The following DNAJA3 variants were observed in gnomAD, a reference collection of about 807,000 sequenced individuals.
DNAJA3 encodes the protein dnaJ homolog subfamily A member 3, mitochondrial.
Under a neutral mutation model 54.9 loss-of-function variants are expected in DNAJA3, and 29 were observed. The ratio of observed to expected loss-of-function variants is 0.53; its 90% CI spans 0.39 to 0.72. DNAJA3 has a LOEUF of 0.72. Among genes scored for constraint, DNAJA3 ranks in the 30% least tolerant of loss-of-function variants. DNAJA3 has a pLI of 0.00. For missense variants in DNAJA3, 708 were observed against 639.4 expected, an observed-to-expected ratio of 1.11 and a Z score of -1.16; for synonymous variants, 302 against 251.4, an observed-to-expected ratio of 1.20 and a Z score of -1.90.
Position 4,436,979 on chromosome 16 carries a change from T to C in DNAJA3, c.346-423T>C, listed in dbSNP as rs1596362911. ...TTAAAACAGATCATTATTATTATTA[T>C]TTTGTGGGGCGGACAGAATCTCACT... On this transcript the variant is annotated intron_variant, in intron 2 of 11. Coordinates refer to ENST00000262375, the MANE Select transcript of DNAJA3 (RefSeq NM_005147.6). Among the ~76,000 whole-genome samples, 3 of 152,242 alleles carry C rather than the reference T, an allele frequency of 2.0e-5. No homozygotes were observed. The South Asian group carries it at 6.2e-4, about 32-fold the overall frequency.
chr16:4,434,845 C>T (rs1339342294), intron 2 of DNAJA3, among the ~76,000 whole-genome samples: 1 of 149,116 alleles, frequency 6.7e-6, no homozygotes, highest in Non-Finnish European at 1.5e-5. Flanking sequence ...TTTTTGCATC[C>T]AGATAAAAGT....
chr16:4,442,232 A>G (rs1175434270), intron 4 of DNAJA3, 36 bp from the exon 5 acceptor site: 2 of 1,534,706 alleles, frequency 1.3e-6, no homozygotes, highest in Non-Finnish European at 1.8e-6. Context: ...GGTCGTTGCA[A>G]ACAAAAGTTG....
At chr16:4,453,152 T>A (rs1316251108) in intron 10 of DNAJA3, among the ~76,000 whole-genome samples, 3 of 152,126 alleles carry the variant, frequency 2.0e-5, no homozygotes, top group Non-Finnish European at 2.9e-5. Context: ...ACTCCTGGAC[T>A]CAAGTGATCC....
In DNAJA3 at chr16:4,425,979, G is replaced by T. The variant is rs751661626; in HGVS notation, c.98G>T (p.Gly33Val). 68 of 1,596,086 alleles carry T rather than the reference G, an allele frequency of 4.3e-5. No homozygotes were observed. The highest frequency in any genetic ancestry group is 5.7e-5 in the Non-Finnish European group (67 of 1,172,710). ...SGRGARPPRE[G>V]VVGAWLSRKL... ...AGAGGGGCCCGGCCGCCCAGGGAGG[G>T]CGTGGTGGGGGCATGGCTGAGCCGC... Residue 33 changes from glycine (G) to valine (V), a missense_variant, in exon 1 of 12, where the codon GGC becomes GTC. Physicochemically the swap from Gly to Val is moderately radical, Grantham distance 109 (BLOSUM62 -3). Coordinates refer to ENST00000262375, the MANE Select transcript of DNAJA3 (RefSeq NM_005147.6).
chr16:4,429,215 C>T (rs1428029065), intron 1 of DNAJA3, among the ~76,000 whole-genome samples: 1 of 148,486 alleles, frequency 6.7e-6, no homozygotes, highest in African/African-American at 2.5e-5. Flanking sequence ...TTGTTTGAGA[C>T]GGAGTCTTGC....
At chr16:4,443,404 G>A (rs1344054310) in intron 6 of DNAJA3, among the ~76,000 whole-genome samples, 2 of 152,090 alleles carry the variant, frequency 1.3e-5, no homozygotes, top group Non-Finnish European at 2.9e-5. Flanking sequence ...TCACAATGGG[G>A]AGAAGAGACC....
intron 8 of DNAJA3, 37 bp downstream of exon 8, chr16:4,447,051 C>G (rs745336716): frequency 1.3e-6 from 2 of 1,591,926 alleles, no homozygotes; most frequent in Non-Finnish European, 1.7e-6. Flanking sequence ...CACCCCTGTA[C>G]TTTATTGCTC....
chr16:4,443,189 C>T, intron 6 of DNAJA3, 25 bp downstream of exon 6: 1 of 1,612,942 alleles, frequency 6.2e-7, no homozygotes, highest in Non-Finnish European at 8.5e-7. Context: ...CCGCCATGTC[C>T]AGGAGCTTGG....
Position 4,441,395 on chromosome 16 carries a change from G to C in DNAJA3, c.450G>C (p.Lys150Asn). ...EAYEVLSDEVKRKQYDAYGSA... is the reference protein window; with the variant it reads ...EAYEVLSDEVNRKQYDAYGSA... ...TGTAGGTTTTGAGTGATGAGGTGAAGAGGAAGCAGTACGATGCCTACGGCT... is the reference window on the plus strand; with the variant it reads ...TGTAGGTTTTGAGTGATGAGGTGAACAGGAAGCAGTACGATGCCTACGGCT... Residue 150 changes from lysine to asparagine, a missense_variant, in exon 4 of 12, where the codon AAG becomes AAC. Coordinates refer to ENST00000262375, the MANE Select transcript of DNAJA3 (RefSeq NM_005147.6). 1 of 1,613,644 alleles carries C rather than the reference G, an allele frequency of 6.2e-7. No homozygotes were observed. The highest frequency in any genetic ancestry group is 8.5e-7 in the Non-Finnish European group (1 of 1,179,950).
chr16:4,454,228 G>C (rs771004971), intron 10 of DNAJA3, among the ~76,000 whole-genome samples: 1 of 152,212 alleles, frequency 6.6e-6, no homozygotes, highest in Non-Finnish European at 1.5e-5. Flanking sequence ...TGCGCACACA[G>C]CAGCATGGAA....
intron 11 of DNAJA3, 139 bp downstream of exon 11, chr16:4,455,066 T>A: frequency 1.5e-6 from 1 of 650,116 alleles, no homozygotes; most frequent in Non-Finnish European, 2.7e-6. Flanking sequence ...TAAACCTAGC[T>A]CCACTAGGAG....
chr16:4,429,516 C>T (rs1347924707), intron 1 of DNAJA3, among the ~76,000 whole-genome samples: 1 of 152,184 alleles, frequency 6.6e-6, no homozygotes, highest in Non-Finnish European at 1.5e-5. Flanking sequence ...TCACCGCGCC[C>T]GGCCTACAAA....
chr16:4,446,463 C>T (rs1056665698), intron 7 of DNAJA3, among the ~76,000 whole-genome samples: 4 of 151,776 alleles, frequency 2.6e-5, no homozygotes, highest in African/African-American at 9.7e-5. Flanking sequence ...AGTCTGGTCT[C>T]AAACTCCTGA....
intron 2 of DNAJA3, among the ~76,000 whole-genome samples, chr16:4,436,836 C>T (rs1017244737): frequency 1.3e-5 from 2 of 151,754 alleles, no homozygotes; most frequent in Middle Eastern, 6.9e-3. Context: ...GCGCCCGGCC[C>T]CCTTTTTAAA....
chr16:4,435,382 T>C (rs1277590514), intron 2 of DNAJA3, among the ~76,000 whole-genome samples: 6 of 152,154 alleles, frequency 3.9e-5, no homozygotes, highest in Admixed American at 3.9e-4. Flanking sequence ...CAGCTTTTTA[T>C]AAGTGCACAG....
intron 1 of DNAJA3, among the ~76,000 whole-genome samples, chr16:4,426,689 A>T (rs2056627695): frequency 1.3e-5 from 2 of 152,218 alleles, no homozygotes; most frequent in Non-Finnish European, 2.9e-5. Flanking sequence ...TTGTAATAAT[A>T]ACACAGTCAG....
chr16:4,455,492 G>T (rs1290215420), intron 11 of DNAJA3, 54 bp from the exon 12 acceptor site: 7 of 1,545,864 alleles, frequency 4.5e-6, no homozygotes, highest in Non-Finnish European at 6.1e-6. Context: ...CCCCACAGGG[G>T]TGTGTTCCCT....
intron 5 of DNAJA3, chr16:4,442,803 A>T: frequency 1.7e-6 from 1 of 598,332 alleles, no homozygotes; most frequent in Non-Finnish European, 2.9e-6. Context: ...CGTGTGGTCA[A>T]GTTGATGATC....
At chr16:4,426,766 G>C (rs1420582705) in intron 1 of DNAJA3, 1 of 152,186 alleles carries the variant, frequency 6.6e-6, no homozygotes, top group Admixed American at 6.6e-5. Flanking sequence ...CCACATGATA[G>C]GCACTGTTAT....
Sources: allele counts gnomAD v4.1 joint callset (sites outside exome capture counted in the v4.1 genomes callset), GRCh38; gene constraint gnomAD v4.1.1; transcripts MANE v1.5; gene names NCBI Gene and HGNC (gene_info 2026-07-23, HGNC 2026-07-21).